The following RAB6B variants were observed in gnomAD, a reference collection of about 807,000 sequenced individuals.
RAB6B encodes ras-related protein Rab-6B.
A neutral mutation model predicts 31.2 loss-of-function variants in RAB6B; 7 were observed. That is an observed-to-expected ratio of 0.22 (90% confidence interval 0.13 to 0.42). RAB6B has a LOEUF of 0.42. Ranked by LOEUF, RAB6B falls within the 10% of genes least tolerant of loss-of-function variation. The probability of loss-of-function intolerance (pLI) is 1.00; values close to 1 mark genes in which losing one functional copy is unlikely to be tolerated. For missense variants in RAB6B, 149 were observed against 280.6 expected, an observed-to-expected ratio of 0.53 and a Z score of 3.35; for synonymous variants, 105 against 104.9, an observed-to-expected ratio of 1.00 and a Z score of -0.01.
chr3:133,875,327 G>A (rs967318115), intron 1 of RAB6B, among the ~76,000 whole-genome samples: 1 of 152,074 alleles, frequency 6.6e-6, no homozygotes. Flanking sequence ...ACAAGACACA[G>A]ACAAATATTG....
chr3:133,885,096 C>A (rs908843734), intron 1 of RAB6B, among the ~76,000 whole-genome samples: 5 of 151,178 alleles, frequency 3.3e-5, no homozygotes, highest in Non-Finnish European at 7.4e-5. Flanking sequence ...GGATGGGGGA[C>A]TCACACACCC....
At chr3:133,863,053 G>A (rs1936186583) in intron 2 of RAB6B, among the ~76,000 whole-genome samples, 1 of 152,170 alleles carries the variant, frequency 6.6e-6, no homozygotes, top group Non-Finnish European at 1.5e-5. Flanking sequence ...CCCTCATTAG[G>A]AGGACAGGCT....
chr3:133,887,895 T>C (rs912183682), intron 1 of RAB6B, among the ~76,000 whole-genome samples: 1 of 152,170 alleles, frequency 6.6e-6, no homozygotes, highest in Non-Finnish European at 1.5e-5. Flanking sequence ...GCTGCCCCCA[T>C]AGGCTCTATC....
intron 1 of RAB6B, among the ~76,000 whole-genome samples, chr3:133,868,981 T>TG (rs747436519): frequency 2.0e-4 from 30 of 152,116 alleles, no homozygotes; most frequent in Non-Finnish European, 3.1e-4. Context: ...CACTCTGCTG[T>TG]GCTGGTTTAT....
chr3:133,847,868 C>A (rs146911392), intron 2 of RAB6B, among the ~76,000 whole-genome samples: 1 of 152,336 alleles, frequency 6.6e-6, no homozygotes, highest in African/African-American at 2.4e-5. Flanking sequence ...GCTTTCCCTG[C>A]CTCTCTAATT....
chr3:133,866,494 C>T (rs992325521), intron 1 of RAB6B, among the ~76,000 whole-genome samples: 3 of 152,230 alleles, frequency 2.0e-5, no homozygotes, highest in Non-Finnish European at 4.4e-5. Context: ...AGGGTACCAG[C>T]TGGTGTCAGA....
chr3:133,827,748 C>T lies in RAB6B; in HGVS notation c.*1040G>A. On this transcript the variant is annotated 3_prime_UTR_variant, in exon 8 of 8. Transcript: ENST00000285208. The stretch of plus-strand genomic sequence containing the variant: ...AAGGTGGTGGTTCTGCAGACAACAC[C>T]CCCCCCCCCCCCCGCCTCCCCATCA... 6.3e-5 allele frequency: 1 copy of T among 15,982 alleles called. No homozygotes were observed. The highest frequency in any genetic ancestry group is 1.6e-4 in the Non-Finnish European group (1 of 6,308). 1.0% of individuals were successfully genotyped at this position (15,982 alleles called of 1,614,324 possible). A position where few individuals can be genotyped will look rare whatever the true frequency, so the allele number is the denominator to read the frequency against.
chr3:133,843,090 G>A (rs1935859574), intron 2 of RAB6B, among the ~76,000 whole-genome samples: 1 of 152,218 alleles, frequency 6.6e-6, no homozygotes, highest in Non-Finnish European at 1.5e-5. Flanking sequence ...GACTGAGACT[G>A]GCTTGCACCC....
chr3:133,878,285 C>G (rs1936423556), intron 1 of RAB6B, among the ~76,000 whole-genome samples: 1 of 151,880 alleles, frequency 6.6e-6, no homozygotes, highest in Non-Finnish European at 1.5e-5. Flanking sequence ...TAAAAGTAGT[C>G]AGAGAAAAAA....
At chr3:133,837,902 C>T (rs922196071) in intron 6 of RAB6B, among the ~76,000 whole-genome samples, 5 of 152,238 alleles carry the variant, frequency 3.3e-5, no homozygotes, top group African/African-American at 7.2e-5. Flanking sequence ...GGGCCTGCTA[C>T]GTGGGCCGTG....
Position 133,824,289 on chromosome 3 carries a change from C to T in RAB6B, c.*4499G>A, listed in dbSNP as rs1338320470. 1 of 152,176 alleles carries T rather than the reference C, an allele frequency of 6.6e-6. No individual in the cohort carries two copies. The highest frequency in any genetic ancestry group is 1.5e-5 in the Non-Finnish European group (1 of 68,048). 9.4% of individuals were successfully genotyped at this position (152,176 alleles called of 1,614,324 possible). Reference sequence around the variant, plus strand: ...TTTGACCAACATGCTGAGTCTTTTCCACATTTTACACAGTTTAATGTGAAA... The same window carrying T: ...TTTGACCAACATGCTGAGTCTTTTCTACATTTTACACAGTTTAATGTGAAA... On this transcript the variant is annotated 3_prime_UTR_variant, in exon 8 of 8. Transcript: ENST00000285208.
chr3:133,885,326 C>T (rs1389033715), intron 1 of RAB6B, among the ~76,000 whole-genome samples: 1 of 146,550 alleles, frequency 6.8e-6, no homozygotes, highest in Non-Finnish European at 1.5e-5. Flanking sequence ...CACCTAATGA[C>T]CAGAGGACGG....
intron 1 of RAB6B, among the ~76,000 whole-genome samples, chr3:133,874,980 A>G (rs778988811): frequency 6.6e-6 from 1 of 152,192 alleles, no homozygotes; most frequent in East Asian, 1.9e-4. Flanking sequence ...TGTGATAACA[A>G]TACTGCTTTC....
chr3:133,856,471 C>T (rs573607749), intron 2 of RAB6B, among the ~76,000 whole-genome samples: 3 of 152,220 alleles, frequency 2.0e-5, no homozygotes, highest in Middle Eastern at 3.4e-3. Context: ...ATCCTTCCCC[C>T]CAAGCAGACT....
At chr3:133,845,479 G>T (rs1347899725) in intron 2 of RAB6B, among the ~76,000 whole-genome samples, 1 of 152,214 alleles carries the variant, frequency 6.6e-6, no homozygotes, top group African/African-American at 2.4e-5. Context: ...CTGGAGCCTT[G>T]ATCTTGGAAG....
intron 1 of RAB6B, among the ~76,000 whole-genome samples, chr3:133,889,395 T>C (rs1936600037): frequency 4.0e-4 from 5 of 12,352 alleles, no homozygotes; most frequent in Non-Finnish European, 8.5e-4. Flanking sequence ...TTGTTATATA[T>C]ATATATATAT....
At chr3:133,883,401 C>A (rs1415792825) in intron 1 of RAB6B, among the ~76,000 whole-genome samples, 2 of 152,212 alleles carry the variant, frequency 1.3e-5, no homozygotes, top group African/African-American at 4.8e-5. Flanking sequence ...TCATCAGTGG[C>A]TCCATGGGAA....
rs573662484 is a variant in RAB6B at position 133,862,321 on chromosome 3, T to C, written c.129+2263A>G. 8.5e-5 allele frequency among the ~76,000 whole-genome samples: 13 copies of C among 152,284 alleles called. No individual in the cohort carries two copies. In the East Asian group the frequency reaches 2.5e-3, roughly 29 times the overall value. ...TGATACCAACTATGGTCAGGCCCTG[T>C]GCTAGACTCATGAATGCAGTGGTGG... On this transcript the variant is annotated intron_variant, in intron 2 of 7. Coordinates refer to ENST00000285208, the MANE Select transcript of RAB6B (RefSeq NM_016577.4).
At chr3:133,828,880 A>T in intron 7 of RAB6B, 28 bp from the exon 8 acceptor site, 6 of 1,569,030 alleles carry the variant, frequency 3.8e-6, no homozygotes, top group Non-Finnish European at 5.2e-6. Flanking sequence ...AAGGAAGATG[A>T]CTCTCCTGGA....
Sources: allele counts gnomAD v4.1 joint callset (sites outside exome capture counted in the v4.1 genomes callset), GRCh38; gene constraint gnomAD v4.1.1; transcripts MANE v1.5; gene names NCBI Gene and HGNC (gene_info 2026-07-23, HGNC 2026-07-21).